The following ETNK1 variants were observed in gnomAD, a reference collection of about 807,000 sequenced individuals.
ETNK1 encodes the protein putative protein product of Nbla10396.
A neutral mutation model predicts 45.1 loss-of-function variants in ETNK1; 8 were observed. The observed-to-expected ratio is 0.18, with a 90% CI of 0.10 to 0.32. ETNK1 has a LOEUF of 0.32. Among genes scored for constraint, ETNK1 ranks in the 10% least tolerant of loss-of-function variants. ETNK1 has a pLI of 1.00. For missense variants in ETNK1, 302 were observed against 430.6 expected (o/e 0.70, Z 2.64); for synonymous variants, 152 against 151.9 (o/e 1.00, Z -0.01).
intron 1 of ETNK1, among the ~76,000 whole-genome samples, chr12:22,629,807 A>C (rs1953551959): frequency 6.6e-6 from 1 of 152,198 alleles, no homozygotes; most frequent in Non-Finnish European, 1.5e-5. Flanking sequence ...TGAGTCCTGT[A>C]GATACAAATA....
At chr12:22,646,710 T>C (rs1953811550) in intron 2 of ETNK1, among the ~76,000 whole-genome samples, 1 of 151,844 alleles carries the variant, frequency 6.6e-6, no homozygotes, top group Non-Finnish European at 1.5e-5. Flanking sequence ...TTGAATTGGC[T>C]CATTCAACCA....
chr12:22,660,815 A>T lies in ETNK1; in HGVS notation c.558-248A>T, dbSNP rs572875814. Among the ~76,000 whole-genome samples the T allele has an allele frequency of 1.2e-4, 18 of 152,158 alleles. 1 individual carries two copies. Among genetic ancestry groups the T allele is most frequent in the African/African-American group, 4.1e-4 (17 of 41,532 alleles). ...ACCTATATATATTACTTAGAAACCC[A>T]AGTTTTTAGTGAGTTTTTTAACTTT... On this transcript the variant is annotated intron_variant, in intron 3 of 7. Coordinates refer to ENST00000266517, the MANE Select transcript of ETNK1 (RefSeq NM_018638.5).
chr12:22,660,660 T>C (rs1953990524), intron 3 of ETNK1, among the ~76,000 whole-genome samples: 1 of 152,154 alleles, frequency 6.6e-6, no homozygotes, highest in African/African-American at 2.4e-5. Flanking sequence ...ATTTTTAAAA[T>C]AATTTTTGTA....
intron 4 of ETNK1, among the ~76,000 whole-genome samples, chr12:22,662,242 A>ATTTTTTTT (rs774396641): frequency 2.8e-3 from 205 of 72,564 alleles, no homozygotes; most frequent in Non-Finnish European, 4.1e-3. Context: ...TAATTTTTGT[A>ATTTTTTTT]TTTTTTTTTT....
In ETNK1 at chr12:22,684,553, T is replaced by C. The variant is rs1224226866; in HGVS notation, c.1016T>C (p.Leu339Pro). Residue 339 changes from leucine (L) to proline (P), a missense_variant, in exon 7 of 8, where the codon CTT becomes CCT. Physicochemically the swap from Leu to Pro is moderately conservative, Grantham distance 98 (BLOSUM62 -3). Coordinates refer to ENST00000266517, the MANE Select transcript of ETNK1 (RefSeq NM_018638.5). ...AKYSTIEFDF[L>P]GYAIVRFNQY... ...TACTCCACTATTGAGTTTGATTTCC[T>C]TGGGTAAGTTAAATTTTATTATATG... 1 of 1,597,838 alleles carries C rather than the reference T, an allele frequency of 6.3e-7. No individual in the cohort carries two copies. The highest frequency in any genetic ancestry group is 8.6e-7 in the Non-Finnish European group (1 of 1,167,636).
intron 1 of ETNK1, among the ~76,000 whole-genome samples, chr12:22,639,529 T>C (rs1184908983): frequency 3.3e-5 from 5 of 152,036 alleles, no homozygotes; most frequent in African/African-American, 1.2e-4. Context: ...ATACAAAAAT[T>C]AGCCAGACAT....
intron 1 of ETNK1, 197 bp downstream of exon 1, chr12:22,625,783 G>C (rs1209110553): frequency 2.4e-6 from 2 of 818,740 alleles, no homozygotes; most frequent in South Asian, 2.9e-5. Flanking sequence ...TGCTCTTTGA[G>C]ATTGACCTGA....
rs1273615019 is a variant in ETNK1 at position 22,650,235 on chromosome 12, A to G, written c.416+6213A>G. Among the ~76,000 whole-genome samples the G allele has an allele frequency of 2.0e-5, 3 of 151,724 alleles. No homozygotes were observed. The South Asian group carries it at 6.2e-4, about 31-fold the overall frequency. On this transcript the variant is annotated intron_variant, in intron 2 of 7. Coordinates refer to ENST00000266517, the MANE Select transcript of ETNK1 (RefSeq NM_018638.5). ...TCCATAGAAAATCATGTTATCTATG[A>G]ACAAAGACAGTTTTTTTTTTTTCTT...
chr12:22,629,073 A>G (rs895764194), intron 1 of ETNK1, among the ~76,000 whole-genome samples: 7 of 152,036 alleles, frequency 4.6e-5, no homozygotes, highest in African/African-American at 1.7e-4. Flanking sequence ...AGTTGTCCCT[A>G]CCTCAATGGG....
chr12:22,644,162 G>T (rs1289402067), intron 2 of ETNK1, 140 bp downstream of exon 2: 3 of 1,523,436 alleles, frequency 2.0e-6, no homozygotes, highest in Admixed American at 4.2e-5. Flanking sequence ...TTTTGTTTTT[G>T]TTCTTGTTTT....
At chr12:22,639,625 C>T (rs944583709) in intron 1 of ETNK1, among the ~76,000 whole-genome samples, 12 of 151,592 alleles carry the variant, frequency 7.9e-5, no homozygotes, top group African/African-American at 2.2e-4. Context: ...TGCAGTGAGC[C>T]GAGATCGTGC....
Position 22,689,430 on chromosome 12 carries a change from A to C in ETNK1, c.*4476A>C, listed in dbSNP as rs183624495. ...GTGAATCCTGTAGCTTTTCTAGTTAACAAAAAATCGCTTTCTAAAATACTC... is the reference window on the plus strand; with the variant it reads ...GTGAATCCTGTAGCTTTTCTAGTTACCAAAAAATCGCTTTCTAAAATACTC... On this transcript the variant is annotated 3_prime_UTR_variant, in exon 8 of 8. Transcript: ENST00000266517. 1 of 152,122 alleles carries C rather than the reference A, an allele frequency of 6.6e-6. No homozygotes were observed. Among genetic ancestry groups the C allele is most frequent in the African/African-American group, 2.4e-5 (1 of 41,570 alleles). The allele number at this position is 152,122 out of a possible 1,614,324, so 9.4% of individuals were successfully genotyped here.
intron 1 of ETNK1, among the ~76,000 whole-genome samples, chr12:22,636,638 T>TCC (rs1288855528): frequency 6.6e-6 from 1 of 152,194 alleles, no homozygotes; most frequent in Non-Finnish European, 1.5e-5. Flanking sequence ...GACTTCTGCA[T>TCC]CCATGGATTC....
chr12:22,681,105 G>C (rs1237712063), intron 6 of ETNK1, among the ~76,000 whole-genome samples: 9 of 151,812 alleles, frequency 5.9e-5, no homozygotes, highest in Non-Finnish European at 1.3e-4. Context: ...TTGTATTTTG[G>C]GGGGATGCAA....
chr12:22,670,041 A>T (rs1426396530), intron 4 of ETNK1, among the ~76,000 whole-genome samples: 1 of 152,140 alleles, frequency 6.6e-6, no homozygotes, highest in Non-Finnish European at 1.5e-5. Context: ...TATGTAAAAC[A>T]CTATTTGCCA....
chr12:22,658,222 G>A (rs1002826793), intron 2 of ETNK1, among the ~76,000 whole-genome samples: 1 of 152,106 alleles, frequency 6.6e-6, no homozygotes, highest in Non-Finnish European at 1.5e-5. Flanking sequence ...GGATCCAATG[G>A]AGAGAACAGA....
intron 1 of ETNK1, among the ~76,000 whole-genome samples, chr12:22,630,864 G>A (rs1396967835): frequency 2.6e-5 from 4 of 151,982 alleles, no homozygotes; most frequent in Non-Finnish European, 5.9e-5. Context: ...ACCCACCTCG[G>A]CCTCCCAAAA....
intron 6 of ETNK1, among the ~76,000 whole-genome samples, chr12:22,677,576 A>T (rs1954173977): frequency 6.6e-6 from 1 of 152,224 alleles, no homozygotes; most frequent in Admixed American, 6.5e-5. Flanking sequence ...TGGGAATAGC[A>T]TTGAATCTGT....
chr12:22,658,885 A>G lies in ETNK1; in HGVS notation c.417-129A>G, dbSNP rs1294297123. 8.8e-6 allele frequency: 8 copies of G among 907,976 alleles called. No individual in the cohort carries two copies. The East Asian group carries it at 1.8e-4, about 21-fold the overall frequency. The allele number at this position is 907,976 out of a possible 1,614,324, so 56.2% of individuals were successfully genotyped here. On this transcript the variant is annotated intron_variant, in intron 2 of 7. Coordinates refer to ENST00000266517, the MANE Select transcript of ETNK1 (RefSeq NM_018638.5). ...GTTCTTGCTAAAACTGGTTTTTACA[A>G]GAGAGAGCACAGGTAGGTCTACAAG...
Sources: allele counts gnomAD v4.1 joint callset (sites outside exome capture counted in the v4.1 genomes callset), GRCh38; gene constraint gnomAD v4.1.1; transcripts MANE v1.5; gene names NCBI Gene and HGNC (gene_info 2026-07-23, HGNC 2026-07-21).